The following TNNI3K variants were observed in gnomAD, a reference collection of about 807,000 sequenced individuals.
TNNI3K encodes serine/threonine-protein kinase TNNI3K.
Under a neutral mutation model 114.5 loss-of-function variants are expected in TNNI3K, and 140 were observed. The observed-to-expected ratio is 1.22, with a 90% CI of 1.07 to 1.41. The LOEUF is 1.41. TNNI3K is among the 40% of genes most tolerant of loss of function. TNNI3K has a pLI of 0.00. For missense variants in TNNI3K, 1,125 were observed against 1,007.6 expected, an observed-to-expected ratio of 1.12 and a Z score of -1.58; for synonymous variants, 347 against 347.5, an observed-to-expected ratio of 1.00 and a Z score of 0.02.
At chr1:74,330,557 C>A (rs1660143142) in intron 5 of TNNI3K, among the ~76,000 whole-genome samples, 1 of 152,122 alleles carries the variant, frequency 6.6e-6, no homozygotes, top group South Asian at 2.1e-4. Context: ...AGACCAAGTT[C>A]TAACTACTAC....
At chr1:74,370,432 T>C in intron 17 of TNNI3K, 40 bp downstream of exon 17, 1 of 1,542,992 alleles carries the variant, frequency 6.5e-7, no homozygotes, top group Non-Finnish European at 8.9e-7. Flanking sequence ...AGGGTATGAC[T>C]AACTGGGAGT....
At chr1:74,370,032 TTAAG>T (rs781675603) in intron 16 of TNNI3K, 99 of 262,838 alleles carry the variant, frequency 3.8e-4, no homozygotes, top group Middle Eastern at 3.6e-3. Flanking sequence ...TACAAAGAAA[TTAAG>T]TATAGTATTA....
intron 17 of TNNI3K, among the ~76,000 whole-genome samples, chr1:74,396,149 A>T (rs1664069559): frequency 6.6e-6 from 1 of 152,218 alleles, no homozygotes; most frequent in South Asian, 2.1e-4. Context: ...CATCTCAAAC[A>T]TCTCACAAAG....
chr1:74,335,640 G>GGTTT (rs1486989420), intron 6 of TNNI3K, among the ~76,000 whole-genome samples: 1 of 152,046 alleles, frequency 6.6e-6, no homozygotes, highest in Non-Finnish European at 1.5e-5. Flanking sequence ...ATGGGAAGAT[G>GGTTT]GTTTCTGGAG....
chr1:74,308,770 G>GA (rs1308097242), intron 5 of TNNI3K, among the ~76,000 whole-genome samples: 6 of 151,734 alleles, frequency 4.0e-5, no homozygotes, highest in African/African-American at 1.2e-4. Context: ...GATTAACAAA[G>GA]AAAAAAAGAG....
intron 20 of TNNI3K, among the ~76,000 whole-genome samples, chr1:74,446,306 T>C (rs529561099): frequency 1.2e-4 from 18 of 147,960 alleles, no homozygotes; most frequent in East Asian, 2.0e-4. Context: ...ATGAGCATTT[T>C]TTCATGTGTT....
intron 21 of TNNI3K, chr1:74,471,839 G>A: frequency 2.2e-6 from 1 of 453,048 alleles, no homozygotes; most frequent in Non-Finnish European, 3.9e-6. Context: ...TTTGAGTGTT[G>A]TCTACGATTT....
chr1:74,510,498 A>T (rs550346778), intron 23 of TNNI3K, among the ~76,000 whole-genome samples: 1 of 152,122 alleles, frequency 6.6e-6, no homozygotes, highest in Admixed American at 6.5e-5. Flanking sequence ...ACAGAGTGAG[A>T]CTCCGTCTCA....
At chr1:74,372,867 G>T (rs1191125385) in intron 17 of TNNI3K, 1 of 151,782 alleles carries the variant, frequency 6.6e-6, no homozygotes, top group African/African-American at 2.4e-5. Flanking sequence ...TTACTATATA[G>T]CTGATATAAG....
At chr1:74,328,119 T>C (rs2100403302) in intron 5 of TNNI3K, among the ~76,000 whole-genome samples, 1 of 152,278 alleles carries the variant, frequency 6.6e-6, no homozygotes, top group Non-Finnish European at 1.5e-5. Context: ...TAATTATTAA[T>C]GTTTATATTA....
chr1:74,410,535 C>T (rs1041755249), intron 17 of TNNI3K, among the ~76,000 whole-genome samples: 1 of 152,270 alleles, frequency 6.6e-6, no homozygotes, highest in African/African-American at 2.4e-5. Flanking sequence ...ATTTGTGTTT[C>T]ACTGCTTACC....
rs564676401 is a variant in TNNI3K at position 74,335,899 on chromosome 1, G to C, written c.544-112G>C. 4 of 1,181,152 alleles carry C rather than the reference G, an allele frequency of 3.4e-6. No individual in the cohort carries two copies. The East Asian group carries it at 1.1e-4, about 32-fold the overall frequency. The allele number at this position is 1,181,152 out of a possible 1,614,324, so 73.2% of individuals were successfully genotyped here. ...TCCAGTTTTGGACTTCTTGCTAGGT[G>C]ATATAACAATAAATTTTTGTGGTTT... On this transcript the variant is annotated intron_variant, in intron 6 of 24. Coordinates refer to ENST00000326637, the MANE Select transcript of TNNI3K (RefSeq NM_015978.3).
chr1:74,436,069 T>C lies in TNNI3K; in HGVS notation c.1773-11T>C. The stretch of plus-strand genomic sequence containing the variant: ...CTCAATGTCTACTTTTTTTTTTTTT[T>C]TTTTTTACAGTCACAATATTCTTCT... On this transcript the variant is annotated splice_polypyrimidine_tract_variant and intron_variant, in intron 17 of 24. Coordinates refer to ENST00000326637, the MANE Select transcript of TNNI3K (RefSeq NM_015978.3). The C allele has an allele frequency of 6.3e-7, 1 of 1,587,684 alleles. No homozygotes were observed. Among genetic ancestry groups the C allele is most frequent in the Non-Finnish European group, 8.5e-7 (1 of 1,171,692 alleles).
intron 17 of TNNI3K, among the ~76,000 whole-genome samples, chr1:74,404,400 C>T (rs1418104925): frequency 6.6e-6 from 1 of 151,976 alleles, no homozygotes; most frequent in Non-Finnish European, 1.5e-5. Flanking sequence ...TTTCTCTTAA[C>T]TTGTCTCCTT....
chr1:74,394,375 ACT>A (rs1469542550), intron 17 of TNNI3K, among the ~76,000 whole-genome samples: 2 of 152,074 alleles, frequency 1.3e-5, no homozygotes, highest in Non-Finnish European at 2.9e-5. Flanking sequence ...AAAGTGAATA[ACT>A]CTTATAAATA....
intron 21 of TNNI3K, chr1:74,475,378 G>A: frequency 1.4e-6 from 1 of 716,646 alleles, no homozygotes; most frequent in Non-Finnish European, 2.6e-6. Flanking sequence ...AACTTTCCTT[G>A]GATTATATGT....
rs1662365145 is a variant in TNNI3K at position 74,367,928 on chromosome 1, C to T, written c.1285C>T (p.Pro429Ser). Reference sequence around the variant, plus strand: ...TCTAGATGGCTCCTATGTGTCTGTTCCATCACCCTTGGGGAAGATTAAAAG... The same window carrying T: ...TCTAGATGGCTCCTATGTGTCTGTTTCATCACCCTTGGGGAAGATTAAAAG... ...PGGDGSYVSV[P>S]SPLGKIKSMT... The change falls in exon 13 of 25, where the codon CCA becomes TCA. Residue 429 changes from proline to serine, a missense_variant. Coordinates refer to ENST00000326637, the MANE Select transcript of TNNI3K (RefSeq NM_015978.3). 1.3e-6 allele frequency: 2 copies of T among 1,575,740 alleles called. No homozygotes were observed. Among genetic ancestry groups the T allele is most frequent in the African/African-American group, 1.4e-5 (1 of 71,916 alleles).
chr1:74,480,030 A>T (rs1668400975), intron 21 of TNNI3K: 1 of 608,956 alleles, frequency 1.6e-6, no homozygotes, highest in Non-Finnish European at 2.9e-6. Flanking sequence ...TCCCACATCT[A>T]CTGGCAACCT....
chr1:74,506,557 G>A (rs1669911889), intron 23 of TNNI3K, among the ~76,000 whole-genome samples: 1 of 152,200 alleles, frequency 6.6e-6, no homozygotes, highest in South Asian at 2.1e-4. Flanking sequence ...CATCTATAAT[G>A]AGGCATTTGA....
Sources: gnomAD v4.1 joint callset for allele counts (sites outside exome capture counted in the v4.1 genomes callset) on GRCh38, gnomAD v4.1.1 for gene constraint, MANE v1.5 for transcripts, NCBI Gene and HGNC (gene_info 2026-07-23, HGNC 2026-07-21) for gene names.